The following SYNE2 variants were observed in gnomAD, a reference collection of about 807,000 sequenced individuals.
SYNE2 encodes the protein nesprin-2.
SYNE2 carries 431 observed loss-of-function variants against 856.3 expected under a neutral mutation model. That is an observed-to-expected ratio of 0.50 (90% confidence interval 0.47 to 0.55). The LOEUF (loss-of-function observed/expected upper bound fraction) is 0.55. SYNE2 is among the 20% of genes least tolerant of loss of function. SYNE2 has a pLI of 0.00. For synonymous variants in SYNE2, 2,923 were observed against 2,872.3 expected, an observed-to-expected ratio of 1.02 and a Z score of -0.56; for missense variants, 8,129 against 8,023.2, an observed-to-expected ratio of 1.01 and a Z score of -0.50.
chr14:63,853,920 C>A (rs1164457990), intron 1 of SYNE2, among the ~76,000 whole-genome samples: 1 of 151,612 alleles, frequency 6.6e-6, no homozygotes, highest in Admixed American at 6.6e-5. Flanking sequence ...TTGAAAAGGG[C>A]GGGGCGGGGG....
chr14:63,918,318 T>G (rs2095556106), intron 2 of SYNE2, among the ~76,000 whole-genome samples: 1 of 152,250 alleles, frequency 6.6e-6, no homozygotes, highest in Admixed American at 6.5e-5. Flanking sequence ...ATTATTTCCC[T>G]TATCTAATTT....
chr14:63,991,233 T>C, intron 21 of SYNE2, 118 bp downstream of exon 21: 1 of 1,051,188 alleles, frequency 9.5e-7, no homozygotes, highest in Non-Finnish European at 1.4e-6. Flanking sequence ...TTAAAAAGAA[T>C]TTCCCAGTAT....
At chr14:63,978,113 T>G (rs1052170688) in intron 13 of SYNE2, 96 bp downstream of exon 13, 51 of 827,628 alleles carry the variant, frequency 6.2e-5, no homozygotes, top group Non-Finnish European at 1.1e-4. Context: ...TTTAGATAAT[T>G]TTTACCAAGT....
chr14:63,972,473 G>A (rs117442242), intron 11 of SYNE2, among the ~76,000 whole-genome samples: 3 of 152,282 alleles, frequency 2.0e-5, no homozygotes, highest in Non-Finnish European at 2.9e-5. Context: ...TAATTTTAAA[G>A]TCATTGAGGA....
chr14:63,953,415 T>C (rs1401449041), intron 7 of SYNE2, among the ~76,000 whole-genome samples: 1 of 151,998 alleles, frequency 6.6e-6, no homozygotes, highest in Non-Finnish European at 1.5e-5. Flanking sequence ...AGAGGGGAGA[T>C]ACAAAGATGA....
At chr14:64,191,268 A>G (rs2098517689) in intron 99 of SYNE2, 1 of 227,256 alleles carries the variant, frequency 4.4e-6, no homozygotes, top group Non-Finnish European at 8.1e-6. Flanking sequence ...AACCTGAGTC[A>G]ATCAACAGAG....
chr14:63,799,395 CTT>C (rs79092707), intron 1 of SYNE2, among the ~76,000 whole-genome samples: 389 of 128,412 alleles, frequency 3.0e-3, no homozygotes, highest in Admixed American at 3.8e-3. Context: ...TGTTTTAAAA[CTT>C]TTTTTTTTTT....
chr14:64,078,588 A>T lies in SYNE2; in HGVS notation c.11145A>T (p.Lys3715Asn). 1 of 1,614,096 alleles carries T rather than the reference A, an allele frequency of 6.2e-7. No homozygotes were observed. The highest frequency in any genetic ancestry group is 8.5e-7 in the Non-Finnish European group (1 of 1,179,970). Reference sequence around the variant, plus strand: ...AGCAGAAAAGCAAAAATATTGAGAAAGCTCAAGAAATTCAAAAGGTAAAAT... The same window carrying T: ...AGCAGAAAAGCAAAAATATTGAGAATGCTCAAGAAATTCAAAAGGTAAAAT... The part of the protein sequence containing the change: ...MLQQKSKNIE[K>N]AQEIQKKMWD... The change falls in exon 55 of 116, where the codon AAA (lysine) becomes AAT (asparagine). Residue 3715 changes from lysine to asparagine, a missense_variant. Coordinates refer to ENST00000555002, the MANE Select transcript of SYNE2 (RefSeq NM_182914.3).
chr14:64,166,460 A>C (rs1300142932), intron 90 of SYNE2, among the ~76,000 whole-genome samples: 1 of 152,240 alleles, frequency 6.6e-6, no homozygotes, highest in Non-Finnish European at 1.5e-5. Context: ...TATCTTTTTA[A>C]AAATGAAATT....
At chr14:63,787,215 A>G (rs988968386) in intron 1 of SYNE2, among the ~76,000 whole-genome samples, 2 of 152,270 alleles carry the variant, frequency 1.3e-5, no homozygotes, top group East Asian at 1.9e-4. Context: ...TCTTCTAGCT[A>G]TTTTGAAATG....
intron 18 of SYNE2, among the ~76,000 whole-genome samples, 160 bp from the exon 19 acceptor site, chr14:63,986,296 C>T (rs965400974): frequency 1.3e-5 from 2 of 152,028 alleles, no homozygotes; most frequent in Admixed American, 6.6e-5. Context: ...GATGAGGTCC[C>T]GCTTTGTTGC....
At chr14:64,028,828 G>C (rs2097004578) in intron 43 of SYNE2, among the ~76,000 whole-genome samples, 1 of 152,042 alleles carries the variant, frequency 6.6e-6, no homozygotes, top group South Asian at 2.1e-4. Flanking sequence ...CTTCCTGCCT[G>C]ATCTTCAGTA....
chr14:63,965,164 T>G (rs1159621665), intron 10 of SYNE2, among the ~76,000 whole-genome samples: 1 of 152,076 alleles, frequency 6.6e-6, no homozygotes, highest in African/African-American at 2.4e-5. Context: ...GTTTTCACTA[T>G]GTTGGCCAGG....
intron 45 of SYNE2, 28 bp from the exon 46 acceptor site, chr14:64,047,972 C>A: frequency 6.2e-7 from 1 of 1,610,218 alleles, no homozygotes; most frequent in Non-Finnish European, 8.5e-7. Context: ...GTAGACTATT[C>A]AGCAATTAAT....
chr14:64,046,885 G>A (rs960673257), intron 45 of SYNE2, among the ~76,000 whole-genome samples: 1 of 152,246 alleles, frequency 6.6e-6, no homozygotes, highest in Admixed American at 6.5e-5. Context: ...TGGCACCTGG[G>A]TGAGGGTGCT....
At chr14:64,064,236 A>C (rs2097340295) in intron 50 of SYNE2, among the ~76,000 whole-genome samples, 1 of 152,230 alleles carries the variant, frequency 6.6e-6, no homozygotes, top group Admixed American at 6.5e-5. Flanking sequence ...ATACCACAAC[A>C]GTTGATCTGA....
intron 1 of SYNE2, among the ~76,000 whole-genome samples, chr14:63,902,956 G>T (rs1034973892): frequency 2.0e-5 from 3 of 152,076 alleles, no homozygotes; most frequent in Non-Finnish European, 4.4e-5. Flanking sequence ...GGGATTACAG[G>T]TATGAGCCAC....
intron 82 of SYNE2, among the ~76,000 whole-genome samples, chr14:64,142,886 G>A (rs10136099): frequency 0.25 from 37,326 of 152,142 alleles, 7,304 homozygotes; most frequent in African/African-American, 0.55. Context: ...ACATGCAAAC[G>A]TGTATTGTGT....
chr14:64,121,955 T>A, intron 68 of SYNE2, 57 bp from the exon 69 acceptor site: 1 of 1,608,692 alleles, frequency 6.2e-7, no homozygotes, highest in Non-Finnish European at 8.5e-7. Context: ...AGGAAACTAG[T>A]GGGTACTAAT....
Sources: gnomAD v4.1 joint callset for allele counts (sites outside exome capture counted in the v4.1 genomes callset) on GRCh38, gnomAD v4.1.1 for gene constraint, MANE v1.5 for transcripts, NCBI Gene and HGNC (gene_info 2026-07-23, HGNC 2026-07-21) for gene names.